Variants in WNK2 observed in about 807,000 individuals in gnomAD.
The protein encoded by WNK2 is WNK lysine deficient protein kinase 2.
WNK2 carries 67 observed loss-of-function variants against 192.1 expected under a neutral mutation model. The ratio of observed to expected loss-of-function variants is 0.35; its 90% CI spans 0.29 to 0.43. The LOEUF (loss-of-function observed/expected upper bound fraction) is 0.43, where lower values mean the gene tolerates loss of function less well. Among genes scored for constraint, WNK2 ranks in the 20% least tolerant of loss-of-function variants. WNK2 has a pLI of 1.00. For missense variants in WNK2, 2,698 were observed against 3,089.7 expected (o/e 0.87, Z 3.01); for synonymous variants, 1,439 against 1,393.9 (o/e 1.03, Z -0.72).
chr9:93,189,757 G>C (rs1422942852), intron 2 of WNK2, among the ~76,000 whole-genome samples: 1 of 152,266 alleles, frequency 6.6e-6, no homozygotes, highest in Non-Finnish European at 1.5e-5. Flanking sequence ...TTTCTAGGCA[G>C]GCGTTCTGCA....
chr9:93,250,699 C>T lies in WNK2; in HGVS notation c.1835-2184C>T, dbSNP rs180987999. ...TTCCTTGGTGACTCTATTTAAGCAGCTGGTGACTGTAGTAGCACATTTACC... is the reference window on the plus strand; with the variant it reads ...TTCCTTGGTGACTCTATTTAAGCAGTTGGTGACTGTAGTAGCACATTTACC... On this transcript the variant is annotated intron_variant, in intron 8 of 29. Coordinates refer to ENST00000427277, the MANE Select transcript of WNK2 (RefSeq NM_006648.4). Among the ~76,000 whole-genome samples, 158 of 152,134 alleles carry T rather than the reference C, an allele frequency of 1.0e-3. 1 individual carries two copies. Among genetic ancestry groups the T allele is most frequent in the Middle Eastern group, 3.4e-3 (1 of 292 alleles).
At position 93,185,002 on chromosome 9, in the gene WNK2, G is replaced by A; in HGVS notation, c.73G>A (p.Gly25Ser). Residue 25 changes from glycine (G) to serine (S), a missense_variant, in exon 2 of 30, where the codon GGC becomes AGC. Transcript: ENST00000427277. ...GCCCGGGCGCGGCGCGGGGCCCGCG[G>A]GCATGGCGGAGCCTCGGGCGAAGGC... The part of the protein sequence containing the change: ...MEPGRGAGPA[G>S]MAEPRAKAAR... 3.2e-6 allele frequency: 4 copies of A among 1,245,850 alleles called. No homozygotes were observed. Among genetic ancestry groups the A allele is most frequent in the Non-Finnish European group, 4.0e-6 (4 of 1,000,236 alleles). 77.2% of individuals were successfully genotyped at this position (1,245,850 alleles called of 1,614,324 possible). A position where few individuals can be genotyped will look rare whatever the true frequency, so the allele number is the denominator to read the frequency against.
At chr9:93,218,861 G>A (rs117171002) in intron 2 of WNK2, among the ~76,000 whole-genome samples, 6 of 152,208 alleles carry the variant, frequency 3.9e-5, no homozygotes, top group Admixed American at 3.9e-4. Context: ...CCCTTGCCTG[G>A]CTCTCCCTCT....
chr9:93,185,122 C>T lies in WNK2; in HGVS notation c.193C>T (p.Pro65Ser). 7.7e-7 allele frequency: 1 copy of T among 1,303,212 alleles called. No homozygotes were observed. Among genetic ancestry groups the T allele is most frequent in the Non-Finnish European group, 9.8e-7 (1 of 1,020,356 alleles). The allele number at this position is 1,303,212 out of a possible 1,614,324, so 80.7% of individuals were successfully genotyped here. Residue 65 changes from proline to serine, a missense_variant, in exon 2 of 30, where the codon CCG becomes TCG. Physicochemically the swap from Pro to Ser is moderately conservative, Grantham distance 74 (BLOSUM62 -1). Transcript: ENST00000427277. ...CTTGGAGGCAGCCGAGGCGCCGGGC[C>T]CGCAGCCCCCGCAGCCCCTGCAGCG... is the stretch of plus-strand genomic sequence containing the variant. Reference protein sequence around the residue: ...PGLEAAEAPGPQPPQPLQRRV... With the variant: ...PGLEAAEAPGSQPPQPLQRRV...
intron 2 of WNK2, among the ~76,000 whole-genome samples, chr9:93,208,727 C>T (rs56171975): frequency 0.075 from 150 of 1,992 alleles, no homozygotes; most frequent in Non-Finnish European, 0.088. Context: ...GCTCTTCGTG[C>T]GTGTTCTGTG....
At chr9:93,200,245 C>T (rs1832092937) in intron 2 of WNK2, among the ~76,000 whole-genome samples, 1 of 152,122 alleles carries the variant, frequency 6.6e-6, no homozygotes, top group African/African-American at 2.4e-5. Context: ...CTTGCTCTGG[C>T]CCCTTGAGCC....
At chr9:93,287,426 A>G (rs1368798389) in intron 19 of WNK2, among the ~76,000 whole-genome samples, 1 of 152,218 alleles carries the variant, frequency 6.6e-6, no homozygotes, top group Non-Finnish European at 1.5e-5. Flanking sequence ...CCAACACAGA[A>G]TGGATGCGTG....
rs116873226 is a variant in WNK2, at chr9:93,188,752, C to A, written c.681+3142C>A. On this transcript the variant is annotated intron_variant, in intron 2 of 29. Coordinates refer to ENST00000427277, the MANE Select transcript of WNK2 (RefSeq NM_006648.4). ...GGCTCTGGGAGCGTCTGCCACCTGC[C>A]ATAGCCGGCCCAGCTACCCTGGGGG... 1.0e-3 allele frequency among the ~76,000 whole-genome samples: 156 copies of A among 152,306 alleles called. 2 individuals carry two copies. In the East Asian group the frequency reaches 0.027, roughly 27 times the overall value.
At position 93,184,987 on chromosome 9, in the gene WNK2, G is replaced by T; in HGVS notation, c.58G>T (p.Gly20Cys). The change falls in exon 2 of 30, where the codon GGC becomes TGC. Residue 20 changes from glycine (G) to cysteine (C), a missense_variant. By Grantham distance (159) the Gly-to-Cys change is radical. Transcript: ENST00000427277. ...CGGCACGCTGATGGAGCCCGGGCGC[G>T]GCGCGGGGCCCGCGGGCATGGCGGA... Reference protein sequence around the residue: ...VPGTLMEPGRGAGPAGMAEPR... With the variant: ...VPGTLMEPGRCAGPAGMAEPR... 1 of 1,240,694 alleles carries T rather than the reference G, an allele frequency of 8.1e-7. No individual in the cohort carries two copies. Among genetic ancestry groups the T allele is most frequent in the Non-Finnish European group, 1.0e-6 (1 of 997,228 alleles). The allele number at this position is 1,240,694 out of a possible 1,614,324, so 76.9% of individuals were successfully genotyped here.
In WNK2 at chr9:93,227,570, A is replaced by G. The variant is rs1265369274; in HGVS notation, c.682-2126A>G. ...TGAAGTATCTGTTCATGTGTTTATT[A>G]TTAAATTACAGGAGTTCTCTATACA... is the stretch of plus-strand genomic sequence containing the variant. On this transcript the variant is annotated intron_variant, in intron 2 of 29. Transcript: ENST00000427277. 2.6e-5 allele frequency among the ~76,000 whole-genome samples: 4 copies of G among 152,126 alleles called. No individual in the cohort carries two copies. The South Asian group carries it at 6.2e-4, about 24-fold the overall frequency.
Position 93,259,700 on chromosome 9 carries a change from A to C in WNK2, c.3066+86A>C. 7.7e-7 allele frequency: 1 copy of C among 1,306,080 alleles called. No individual in the cohort carries two copies. Among genetic ancestry groups the C allele is most frequent in the Non-Finnish European group, 1.0e-6 (1 of 979,818 alleles). The allele number at this position is 1,306,080 out of a possible 1,614,324, so 80.9% of individuals were successfully genotyped here. On this transcript the variant is annotated intron_variant, in intron 12 of 29. Coordinates refer to ENST00000427277, the MANE Select transcript of WNK2 (RefSeq NM_006648.4). The surrounding 1 kb of genome is among the most constrained non-coding windows in gnomAD (Gnocchi z 4.8). ...GATGCAAAGGAGGACAGAGGCAGGC[A>C]AGGAGGCAGCCCTGCCTGGGGTCGC...
At chr9:93,226,743 G>A (rs1179554000) in intron 2 of WNK2, among the ~76,000 whole-genome samples, 4 of 152,114 alleles carry the variant, frequency 2.6e-5, no homozygotes, top group Non-Finnish European at 5.9e-5. Flanking sequence ...CTTTTGTTTG[G>A]CTTCTTTTGT....
At position 93,252,898 on chromosome 9, in the gene WNK2, A is replaced by G; in HGVS notation, c.1850A>G (p.Asp617Gly). 1.3e-6 allele frequency: 2 copies of G among 1,502,918 alleles called. No homozygotes were observed. Among genetic ancestry groups the G allele is most frequent in the South Asian group, 2.6e-5 (2 of 77,440 alleles). The allele number at this position is 1,502,918 out of a possible 1,614,324, so 93.1% of individuals were successfully genotyped here. A position where few individuals can be genotyped will look rare whatever the true frequency, so the allele number is the denominator to read the frequency against. ...ATSLASDSTF[D>G]SGQGSTVYSD... ...TCCTCCCCAGCGGACAGCACCTTCG[A>G]CAGCGGCCAGGGCTCTACCGTGTAC... Residue 617 changes from aspartate to glycine, a missense_variant, in exon 9 of 30, where the codon GAC becomes GGC. Around this residue, in one of 7 missense-constraint regions of WNK2, gnomAD observed 893 missense variants for 909.0 expected, o/e 0.98. Transcript: ENST00000427277.
Position 93,300,319 on chromosome 9 carries a change from G to A in WNK2, c.6214+170G>A, listed in dbSNP as rs189129198. ...ACCCCATGAGCCGGTCCCCTGGAGC[G>A]GCGGCCGCCAGCGCCTACCCCCAAG... On this transcript the variant is annotated intron_variant, in intron 26 of 29. Transcript: ENST00000427277. The A allele has an allele frequency of 2.5e-3, 1,445 of 572,584 alleles. 11 individuals carry two copies. The highest frequency in any genetic ancestry group is 9.4e-3 in the South Asian group (447 of 47,328). 35.5% of individuals were successfully genotyped at this position (572,584 alleles called of 1,614,324 possible). A position where few individuals can be genotyped will look rare whatever the true frequency, so the allele number is the denominator to read the frequency against.
At chr9:93,240,209 C>T (rs1430125890) in intron 7 of WNK2, among the ~76,000 whole-genome samples, 3 of 152,170 alleles carry the variant, frequency 2.0e-5, no homozygotes, top group Non-Finnish European at 2.9e-5. Flanking sequence ...AAACACAGCA[C>T]CCAGGGGATT....
chr9:93,258,728 G>A (rs941811545), intron 11 of WNK2, among the ~76,000 whole-genome samples: 2 of 152,058 alleles, frequency 1.3e-5, no homozygotes, highest in Non-Finnish European at 2.9e-5. Flanking sequence ...AGCTTTACAT[G>A]GTTGAGATTT....
chr9:93,188,427 T>A (rs2130908561), intron 2 of WNK2, among the ~76,000 whole-genome samples: 1 of 152,344 alleles, frequency 6.6e-6, no homozygotes, highest in East Asian at 1.9e-4. Context: ...TTATCTCACA[T>A]CGAAGGGCAG....
rs1381197850 is a variant in WNK2 at position 93,289,192 on chromosome 9, C to T, written c.4438C>T (p.Pro1480Ser). ...AAGGGAGCCCCTGCCACCTCCTGCACCTGAGCCCAGCCCCCACAGCGGGAC... is the reference window on the plus strand; with the variant it reads ...AAGGGAGCCCCTGCCACCTCCTGCATCTGAGCCCAGCCCCCACAGCGGGAC... The part of the protein sequence containing the change: ...APREPLPPPA[P>S]EPSPHSGTPQ... The change falls in exon 20 of 30, where the codon CCT becomes TCT. Residue 1480 changes from proline (P) to serine (S), a missense_variant. Physicochemically the swap from Pro to Ser is moderately conservative, Grantham distance 74. Around this residue, in one of 7 missense-constraint regions of WNK2, gnomAD observed 1,098 missense variants for 1,101.0 expected, o/e 1.00. Coordinates refer to ENST00000427277, the MANE Select transcript of WNK2 (RefSeq NM_006648.4). The T allele has an allele frequency of 6.2e-6, 10 of 1,602,226 alleles. No homozygotes were observed. In the Admixed American group the frequency reaches 6.7e-5, roughly 11 times the overall value.
At chr9:93,319,875 C>G (rs977192709) in intron 29 of WNK2, among the ~76,000 whole-genome samples, 3 of 152,208 alleles carry the variant, frequency 2.0e-5, no homozygotes, top group African/African-American at 7.2e-5. Context: ...AAGACAGCCT[C>G]GAGCTGACTG....
Sources: gnomAD v4.1 joint callset for allele counts (sites outside exome capture counted in the v4.1 genomes callset) on GRCh38, gnomAD v4.1.1 for gene constraint, gnomAD v4.1.1 regional missense constraint, Gnocchi (gnomAD v3.1) non-coding constraint, MANE v1.5 for transcripts, NCBI Gene and HGNC (gene_info 2026-07-23, HGNC 2026-07-21) for gene names.